The following MICU1 variants were observed in gnomAD, a reference collection of about 807,000 sequenced individuals.
MICU1 encodes the protein mitochondrial calcium uptake 1, also known as calcium uptake protein 1, mitochondrial.
MICU1 carries 45 observed loss-of-function variants against 56.8 expected under a neutral mutation model. The observed-to-expected ratio is 0.79, with a 90% CI of 0.62 to 1.02. The LOEUF is 1.02. Among genes scored for constraint, MICU1 ranks in the 50% least tolerant of loss-of-function variants. MICU1 has a pLI of 0.00. For synonymous variants in MICU1, 186 were observed against 195.1 expected (o/e 0.95, Z 0.39); for missense variants, 504 against 587.1 (o/e 0.86, Z 1.46).
chr10:72,471,203 G>A (rs1225107670), intron 8 of MICU1, among the ~76,000 whole-genome samples: 1 of 152,146 alleles, frequency 6.6e-6, no homozygotes, highest in East Asian at 1.9e-4. Context: ...CCCTGCCTCA[G>A]CCTCCCAAGT....
chr10:72,625,625 C>T (rs1405576539), intron 1 of MICU1, among the ~76,000 whole-genome samples: 1 of 152,190 alleles, frequency 6.6e-6, no homozygotes, highest in Non-Finnish European at 1.5e-5. Context: ...TGTGAACTCC[C>T]GCACCCACTT....
At position 72,508,255 on chromosome 10, in the gene MICU1, T is replaced by A. The variant is rs1210582382; in HGVS notation, c.552A>T (p.Glu184Asp). 3.3e-6 allele frequency: 5 copies of A among 1,508,560 alleles called. No individual in the cohort carries two copies. Among genetic ancestry groups the A allele is most frequent in the Admixed American group, 1.8e-5 (1 of 56,072 alleles). The allele number at this position is 1,508,560 out of a possible 1,614,324, so 93.4% of individuals were successfully genotyped here. The change falls in exon 6 of 12, where the codon GAA becomes GAT. Residue 184 changes from glutamate (E) to aspartate (D), a missense_variant. Physicochemically the swap from Glu to Asp is conservative, Grantham distance 45. Coordinates refer to ENST00000361114, the MANE Select transcript of MICU1 (RefSeq NM_001195518.2). ...TGCCTTCATCAGCAAATTTTTCTCG[T>A]TCCTGGGAAATTTTCTATAGAATGT... ...KRFDGKKISQ[E>D]REKFADEGSI...
intron 2 of MICU1, among the ~76,000 whole-genome samples, chr10:72,566,250 T>C (rs1327935806): frequency 1.3e-5 from 2 of 152,146 alleles, no homozygotes; most frequent in Non-Finnish European, 2.9e-5. Flanking sequence ...TTTGCCATGT[T>C]GGCCAAGCTG....
chr10:72,470,087 T>C (rs1043837826), intron 8 of MICU1, among the ~76,000 whole-genome samples: 34 of 152,216 alleles, frequency 2.2e-4, no homozygotes, highest in African/African-American at 8.2e-4. Flanking sequence ...TTCATCCCAC[T>C]ACAAACATCA....
At chr10:72,601,367 T>A (rs114413915) in intron 1 of MICU1, among the ~76,000 whole-genome samples, 3,209 of 143,432 alleles carry the variant, frequency 0.022, 116 homozygotes, top group African/African-American at 0.08. Flanking sequence ...AAGGTTTCAG[T>A]GAACCATGCT....
intron 6 of MICU1, among the ~76,000 whole-genome samples, chr10:72,495,233 T>TAAAA (rs34238664): frequency 6.9e-6 from 1 of 145,476 alleles, no homozygotes. Flanking sequence ...TTCAGAGATC[T>TAAAA]AAAAAAAAAA....
chr10:72,406,675 C>A (rs943946919), intron 10 of MICU1, among the ~76,000 whole-genome samples: 1 of 151,954 alleles, frequency 6.6e-6, no homozygotes, highest in Non-Finnish European at 1.5e-5. Flanking sequence ...CTCCTGGGCT[C>A]AAGCAATCCT....
At chr10:72,498,949 T>C (rs973095293) in intron 6 of MICU1, among the ~76,000 whole-genome samples, 5 of 152,214 alleles carry the variant, frequency 3.3e-5, no homozygotes, top group Non-Finnish European at 5.9e-5. Flanking sequence ...AGAAATCACG[T>C]GTCTGTAACT....
At chr10:72,418,589 TTGCATGGTCATTAATTTATA>T (rs1208497797) in intron 9 of MICU1, among the ~76,000 whole-genome samples, 2 of 152,188 alleles carry the variant, frequency 1.3e-5, no homozygotes, top group Non-Finnish European at 2.9e-5. Flanking sequence ...CTGTGAAACA[TTGCATGGTCATTAATTTATA>T]TGCAAAAATT....
At chr10:72,459,751 C>A (rs1159809106) in intron 8 of MICU1, among the ~76,000 whole-genome samples, 1 of 152,172 alleles carries the variant, frequency 6.6e-6, no homozygotes, top group Non-Finnish European at 1.5e-5. Flanking sequence ...TCACTGATTG[C>A]CAAATTCATA....
rs937409885 is a variant in MICU1, at chr10:72,477,273, A to G, written c.653-17T>C. 1.8e-5 allele frequency: 27 copies of G among 1,520,326 alleles called. No individual in the cohort carries two copies. Among genetic ancestry groups the G allele is most frequent in the African/African-American group, 2.8e-5 (2 of 71,192 alleles). The allele number at this position is 1,520,326 out of a possible 1,614,324, so 94.2% of individuals were successfully genotyped here. The stretch of plus-strand genomic sequence containing the variant: ...TCTGAGGAGCTGCAGAGGAGAGAAA[A>G]AAAATATTTAGAAGGCATTGACCAA... On this transcript the variant is annotated splice_polypyrimidine_tract_variant and intron_variant, in intron 6 of 11. Coordinates refer to ENST00000361114, the MANE Select transcript of MICU1 (RefSeq NM_001195518.2).
chr10:72,426,447 G>A (rs1589207482), intron 8 of MICU1, among the ~76,000 whole-genome samples: 1 of 151,404 alleles, frequency 6.6e-6, no homozygotes, highest in Non-Finnish European at 1.5e-5. Context: ...ACCCAGGCTG[G>A]AGTGCAGTGG....
chr10:72,623,196 C>T (rs1036212680), intron 1 of MICU1, among the ~76,000 whole-genome samples: 2 of 148,236 alleles, frequency 1.3e-5, no homozygotes, highest in African/African-American at 5.0e-5. Context: ...ACTTGAACCC[C>T]GGAGGCAGAG....
chr10:72,479,581 T>G (rs957879594), intron 6 of MICU1, among the ~76,000 whole-genome samples: 1 of 152,228 alleles, frequency 6.6e-6, no homozygotes, highest in Non-Finnish European at 1.5e-5. Context: ...TAGGCTAGAA[T>G]GCAGTGGCAC....
Position 72,393,684 on chromosome 10 carries a change from G to A in MICU1, c.1180+14245C>T, listed in dbSNP as rs182186789. Among the ~76,000 whole-genome samples the A allele has an allele frequency of 4.6e-5, 7 of 152,300 alleles. No individual in the cohort carries two copies. In the East Asian group the frequency reaches 1.2e-3, roughly 25 times the overall value. Reference sequence around the variant, plus strand: ...AGAAAAGGAGGCAGATGCAGGGTACGTTCTGGAGGTAAACTCAAGGATTTA... The same window carrying A: ...AGAAAAGGAGGCAGATGCAGGGTACATTCTGGAGGTAAACTCAAGGATTTA... On this transcript the variant is annotated intron_variant, in intron 10 of 11. Coordinates refer to ENST00000361114, the MANE Select transcript of MICU1 (RefSeq NM_001195518.2).
rs957223407 is a variant in MICU1, at chr10:72,477,493, CT to C, written c.653-238del. On this transcript the variant is annotated intron_variant, in intron 6 of 11. Coordinates refer to ENST00000361114, the MANE Select transcript of MICU1 (RefSeq NM_001195518.2). The stretch of plus-strand genomic sequence containing the variant: ...GCCAGTAAAGACAGCACTTGTCTAC[CT>C]TTTTGTTTCAACATGCTTTGCCTTA... 1.1e-5 allele frequency: 17 copies of C among 1,534,858 alleles called. No individual in the cohort carries two copies. The African/African-American group carries it at 2.1e-4, about 19-fold the overall frequency.
At position 72,461,153 on chromosome 10, in the gene MICU1, T is replaced by C. The variant is rs112604970; in HGVS notation, c.933+13947A>G. Among the ~76,000 whole-genome samples the C allele has an allele frequency of 7.6e-3, 1,151 of 152,316 alleles. 14 individuals are homozygous for C. The highest frequency in any genetic ancestry group is 0.026 in the African/African-American group (1,085 of 41,572). ...TGTTTCTTAATGATCTTTGCAGACC[T>C]GTCCCTGAGGCACAGAGTCTCTTTA... On this transcript the variant is annotated intron_variant, in intron 8 of 11. Coordinates refer to ENST00000361114, the MANE Select transcript of MICU1 (RefSeq NM_001195518.2).
At chr10:72,606,938 A>C (rs1379898848) in intron 1 of MICU1, among the ~76,000 whole-genome samples, 1 of 152,214 alleles carries the variant, frequency 6.6e-6, no homozygotes. Flanking sequence ...AACAGCTTCC[A>C]GGCTGGTGAA....
chr10:72,569,224 TATATATA>T (rs1564939697), intron 1 of MICU1, among the ~76,000 whole-genome samples: 10 of 46,404 alleles, frequency 2.2e-4, no homozygotes, highest in East Asian at 5.8e-4. Flanking sequence ...TATATATATA[TATATATA>T]TATATATTTT....
Sources: allele counts gnomAD v4.1 joint callset (sites outside exome capture counted in the v4.1 genomes callset), GRCh38; gene constraint gnomAD v4.1.1; transcripts MANE v1.5; gene names NCBI Gene and HGNC (gene_info 2026-07-23, HGNC 2026-07-21).